The following ANXA3 variants were observed in gnomAD, a reference collection of about 807,000 sequenced individuals.
The protein encoded by ANXA3 is 35-alpha calcimedin.
In ANXA3, 46 loss-of-function variants were observed where a neutral mutation model predicts 48.8. The ratio of observed to expected loss-of-function variants is 0.94; its 90% CI spans 0.74 to 1.21. The LOEUF is 1.21. ANXA3 is among the 50% of genes most tolerant of loss of function. The pLI, the probability that ANXA3 is intolerant of heterozygous loss-of-function variation, is 0.00. For synonymous variants in ANXA3, 128 were observed against 134.7 expected (o/e 0.95, Z 0.35); for missense variants, 383 against 378.6 (o/e 1.01, Z -0.10).
rs1722568065 is a variant in ANXA3 at position 78,558,781 on chromosome 4, T to C, written c.15+4293T>C. 1.3e-5 allele frequency among the ~76,000 whole-genome samples: 2 copies of C among 152,334 alleles called. 1 individual carries two copies. Among genetic ancestry groups the C allele is most frequent in the South Asian group, 4.1e-4 (2 of 4,830 alleles). ...TTGATGAAAGGGCCTGATATCTTAT[T>C]GGTTTGTACTCCTTGGACTTAGAGT... On this transcript the variant is annotated intron_variant, in intron 2 of 12. Transcript: ENST00000264908.
chr4:78,603,471 C>T (rs1723586392), intron 11 of ANXA3: 1 of 152,170 alleles, frequency 6.6e-6, no homozygotes, highest in Non-Finnish European at 1.5e-5. Context: ...TTCTCCATCC[C>T]TACTGCCTTT....
chr4:78,598,800 A>G (rs1445181286), intron 10 of ANXA3, among the ~76,000 whole-genome samples: 1 of 152,118 alleles, frequency 6.6e-6, no homozygotes, highest in Non-Finnish European at 1.5e-5. Flanking sequence ...TCTGCCTCCC[A>G]AAGTGCTGGG....
chr4:78,580,664 C>G (rs1397312810), intron 4 of ANXA3, among the ~76,000 whole-genome samples: 1 of 152,194 alleles, frequency 6.6e-6, no homozygotes, highest in African/African-American at 2.4e-5. Context: ...GGAATTACCT[C>G]CTGGGAGTGT....
Position 78,598,600 on chromosome 4 carries a change from C to T in ANXA3, c.730+1186C>T, listed in dbSNP as rs150683107. 3.5e-4 allele frequency among the ~76,000 whole-genome samples: 53 copies of T among 151,730 alleles called. No individual in the cohort carries two copies. The East Asian group carries it at 8.9e-3, about 25-fold the overall frequency. On this transcript the variant is annotated intron_variant, in intron 10 of 12. Transcript: ENST00000264908. ...GGTTGCCCAAGCTGGAGTGTGGTGGCGCAATCTCAGGTCACTGCAACCTCC... is the reference window on the plus strand; with the variant it reads ...GGTTGCCCAAGCTGGAGTGTGGTGGTGCAATCTCAGGTCACTGCAACCTCC...
chr4:78,556,480 A>T (rs1040988134), intron 2 of ANXA3, among the ~76,000 whole-genome samples: 1 of 152,154 alleles, frequency 6.6e-6, no homozygotes, highest in African/African-American at 2.4e-5. Context: ...TTTTCAATAT[A>T]TCACCTTCTG....
chr4:78,554,537 C>T, intron 2 of ANXA3, 49 bp downstream of exon 2: 2 of 1,564,766 alleles, frequency 1.3e-6, no homozygotes, highest in East Asian at 2.2e-5. Flanking sequence ...ATGAGTCAAA[C>T]CAAAACACAG....
chr4:78,591,085 C>T (rs150232157), intron 6 of ANXA3, among the ~76,000 whole-genome samples: 129 of 152,304 alleles, frequency 8.5e-4, no homozygotes, highest in African/African-American at 2.9e-3. Flanking sequence ...TGTCTGCCTT[C>T]ATTTCATTGT....
intron 2 of ANXA3, among the ~76,000 whole-genome samples, chr4:78,567,733 G>A (rs1399023684): frequency 6.6e-6 from 1 of 152,200 alleles, no homozygotes; most frequent in Non-Finnish European, 1.5e-5. Context: ...TAATACCATT[G>A]TCAGGCTGAT....
chr4:78,554,266 ATGTT>A (rs1722463933), intron 1 of ANXA3, among the ~76,000 whole-genome samples, 166 bp from the exon 2 acceptor site: 1 of 152,188 alleles, frequency 6.6e-6, no homozygotes, highest in Admixed American at 6.5e-5. Flanking sequence ...TGCTCAGTAA[ATGTT>A]TGTTTAGCAA....
chr4:78,577,974 A>T (rs1185562955), intron 3 of ANXA3, among the ~76,000 whole-genome samples: 3 of 152,026 alleles, frequency 2.0e-5, no homozygotes, highest in Non-Finnish European at 4.4e-5. Context: ...CATTTTGTAT[A>T]TGGGTTTGAA....
intron 6 of ANXA3, among the ~76,000 whole-genome samples, chr4:78,588,784 C>G (rs1177945141): frequency 3.3e-5 from 5 of 152,212 alleles, no homozygotes; most frequent in Admixed American, 1.3e-4. Flanking sequence ...CTCCTGCCTT[C>G]CAGTCCCCTC....
intron 10 of ANXA3, among the ~76,000 whole-genome samples, 182 bp from the exon 11 acceptor site, chr4:78,601,328 T>C (rs1723530610): frequency 6.6e-6 from 1 of 152,186 alleles, no homozygotes; most frequent in Non-Finnish European, 1.5e-5. Context: ...GCAAATATGG[T>C]ATTAAAAGGC....
intron 5 of ANXA3, among the ~76,000 whole-genome samples, chr4:78,583,418 C>T (rs1723113458): frequency 6.6e-6 from 1 of 151,628 alleles, no homozygotes; most frequent in Non-Finnish European, 1.5e-5. Flanking sequence ...GAGTTCAAAA[C>T]CAGCCTCAAA....
chr4:78,586,204 G>T, intron 5 of ANXA3, 56 bp from the exon 6 acceptor site: 3 of 1,374,298 alleles, frequency 2.2e-6, no homozygotes, highest in South Asian at 1.2e-5. Context: ...AGACCAAAAG[G>T]CATGAGATTA....
chr4:78,595,393 GA>G lies in ANXA3; in HGVS notation c.499del (p.Ser167ValfsTer2). ...LLTLADGRRD[E>X]SLKVDEHLAK... is the part of the protein sequence containing the mutation. ...TCCTCCTGTTTAGGGCAGAAGAGATGAAAGTCTGAAAGTGGATGAGCATCTG... is the reference window on the plus strand; with the variant it reads ...TCCTCCTGTTTAGGGCAGAAGAGATGAAGTCTGAAAGTGGATGAGCATCTG... On this transcript the variant is annotated frameshift_variant, in exon 8 of 13. Transcript: ENST00000264908. LOFTEE classifies it high-confidence loss of function. 1.9e-6 allele frequency: 3 copies of G among 1,613,224 alleles called. No homozygotes were observed. Among genetic ancestry groups the G allele is most frequent in the Non-Finnish European group, 2.5e-6 (3 of 1,179,742 alleles).
chr4:78,563,403 C>G (rs1285491253), intron 2 of ANXA3, among the ~76,000 whole-genome samples: 1 of 152,186 alleles, frequency 6.6e-6, no homozygotes, highest in African/African-American at 2.4e-5. Context: ...CCCCACCAAC[C>G]TGCCCCTTAT....
chr4:78,606,130 T>C (rs1324705712), intron 12 of ANXA3, among the ~76,000 whole-genome samples: 1 of 152,268 alleles, frequency 6.6e-6, no homozygotes, highest in Non-Finnish European at 1.5e-5. Flanking sequence ...GAGTCAGGGC[T>C]GCCTTCGCAG....
chr4:78,584,412 G>A lies in ANXA3; in HGVS notation c.313-1848G>A, dbSNP rs142628608. 4.3e-3 allele frequency among the ~76,000 whole-genome samples: 654 copies of A among 152,158 alleles called. 5 individuals carry two copies. Among genetic ancestry groups the A allele is most frequent in the African/African-American group, 0.014 (600 of 41,512 alleles). The stretch of plus-strand genomic sequence containing the variant: ...GACTGGTCTCAAACTCCTGAGTCAA[G>A]CAATCCTCCTGCCTCGGCCTCTCAA... On this transcript the variant is annotated intron_variant, in intron 5 of 12. Transcript: ENST00000264908.
At chr4:78,586,786 A>G (rs1026599980) in intron 6 of ANXA3, among the ~76,000 whole-genome samples, 1 of 152,200 alleles carries the variant, frequency 6.6e-6, no homozygotes, top group Non-Finnish European at 1.5e-5. Context: ...TAAAGACCTA[A>G]TAGTCTGCTG....
Sources: gnomAD v4.1 joint callset for allele counts (sites outside exome capture counted in the v4.1 genomes callset) on GRCh38, gnomAD v4.1.1 for gene constraint, MANE v1.5 for transcripts, NCBI Gene and HGNC (gene_info 2026-07-23, HGNC 2026-07-21) for gene names.